The following RANBP2 variants were observed in gnomAD, a reference collection of about 807,000 sequenced individuals.
RANBP2 encodes E3 SUMO-protein ligase RanBP2.
In RANBP2, 57 loss-of-function variants were observed where a neutral mutation model predicts 303.6. The ratio of observed to expected loss-of-function variants is 0.19; its 90% CI spans 0.15 to 0.23. The LOEUF (loss-of-function observed/expected upper bound fraction) is 0.23. RANBP2 is among the 10% of genes least tolerant of loss of function. RANBP2 has a pLI of 1.00. For missense variants in RANBP2, 3,138 were observed against 3,780.8 expected, an observed-to-expected ratio of 0.83 and a Z score of 4.46; for synonymous variants, 1,167 against 1,301.5, an observed-to-expected ratio of 0.90 and a Z score of 2.23.
At chr2:109,616,258 A>G in the RANBP2 span, 31 of 892,380 alleles carry the variant, frequency 3.5e-5, no homozygotes, top group Admixed American at 7.7e-5. Flanking sequence ...GAGATTCATC[A>G]TACCTTGACC....
At chr2:109,115,010 A>C in the RANBP2 span, among the ~76,000 whole-genome samples, 1 of 152,102 alleles carries the variant, frequency 6.6e-6, no homozygotes, top group Non-Finnish European at 1.5e-5. Context: ...GTTTGTTATA[A>C]TTTCTGTTCT....
chr2:108,809,448 TTGTGTGTGTGTGTGTGTGTG>T, the RANBP2 span, among the ~76,000 whole-genome samples: 6 of 141,138 alleles, frequency 4.3e-5, no homozygotes, highest in African/African-American at 1.6e-4. Context: ...ACATGAAATG[TTGTGTGTGTGTGTGTGTGTG>T]TGTGTGTGTG....
At chr2:109,364,347 T>A in the RANBP2 span, among the ~76,000 whole-genome samples, 1 of 152,244 alleles carries the variant, frequency 6.6e-6, no homozygotes, top group African/African-American at 2.4e-5. Flanking sequence ...TCTTTATCTT[T>A]GCTTACATCA....
the RANBP2 span, among the ~76,000 whole-genome samples, chr2:109,650,223 G>A: frequency 7.2e-5 from 11 of 152,214 alleles, no homozygotes; most frequent in Admixed American, 7.2e-4. Context: ...GGAGAATGGA[G>A]CCTATGCCAC....
chr2:109,053,754 C>T, the RANBP2 span, among the ~76,000 whole-genome samples: 1 of 152,348 alleles, frequency 6.6e-6, no homozygotes, highest in Non-Finnish European at 1.5e-5. Flanking sequence ...GCTCTATAAA[C>T]AGGGGTAAGG....
the RANBP2 span, among the ~76,000 whole-genome samples, chr2:109,046,757 C>T: frequency 2.6e-5 from 4 of 152,140 alleles, no homozygotes; most frequent in Admixed American, 6.5e-5. Flanking sequence ...GACATAGCAC[C>T]GTGCCCTTGG....
the RANBP2 span, among the ~76,000 whole-genome samples, chr2:109,553,588 C>T: frequency 0.048 from 7,168 of 148,950 alleles, 481 homozygotes; most frequent in African/African-American, 0.16. Context: ...CCTGGTGGCT[C>T]ACGCCTGTAA....
the RANBP2 span, among the ~76,000 whole-genome samples, chr2:108,905,885 A>T: frequency 1.2e-3 from 186 of 152,290 alleles, no homozygotes; most frequent in African/African-American, 4.4e-3. Flanking sequence ...TCCCAGGGCT[A>T]TCAGACATCG....
the RANBP2 span, among the ~76,000 whole-genome samples, chr2:109,606,507 T>C: frequency 3.3e-5 from 5 of 152,288 alleles, no homozygotes; most frequent in South Asian, 8.3e-4. Context: ...TCAATTACCA[T>C]AGTGGACATA....
At chr2:109,782,056 A>G in the RANBP2 span, among the ~76,000 whole-genome samples, 1 of 9,994 alleles carries the variant, frequency 1.0e-4, no homozygotes, top group African/African-American at 1.1e-4. Flanking sequence ...TAAGGGGGCA[A>G]TGTTGTATGT....
chr2:109,272,840 T>G, the RANBP2 span, among the ~76,000 whole-genome samples: 1 of 152,182 alleles, frequency 6.6e-6, no homozygotes, highest in Non-Finnish European at 1.5e-5. Context: ...GTGTGTGGGT[T>G]CCCGGACTGG....
chr2:109,034,568 AGCCACCAT>A, the RANBP2 span, among the ~76,000 whole-genome samples: 2 of 152,336 alleles, frequency 1.3e-5, no homozygotes, highest in East Asian at 3.9e-4. Context: ...CTGGTTCTGG[AGCCACCAT>A]GTAAGCAAAT....
the RANBP2 span, among the ~76,000 whole-genome samples, chr2:109,034,088 G>A: frequency 2.0e-5 from 3 of 150,904 alleles, no homozygotes; most frequent in South Asian, 4.2e-4. Context: ...GGCAAACATG[G>A]TGAAACCCCA....
At chr2:109,279,383 A>G in the RANBP2 span, among the ~76,000 whole-genome samples, 2 of 152,216 alleles carry the variant, frequency 1.3e-5, no homozygotes, top group African/African-American at 4.8e-5. Flanking sequence ...AGGTTCTTGC[A>G]TGGAAGTTGC....
At chr2:109,550,007 T>G in the RANBP2 span, among the ~76,000 whole-genome samples, 273 of 152,204 alleles carry the variant, frequency 1.8e-3, no homozygotes, top group Non-Finnish European at 3.2e-3. Context: ...ACACGACACA[T>G]TCTCGTACTC....
chr2:109,030,397 T>A, the RANBP2 span, among the ~76,000 whole-genome samples: 1 of 152,220 alleles, frequency 6.6e-6, no homozygotes, highest in Non-Finnish European at 1.5e-5. Context: ...TTAATGTCAT[T>A]GGAAAGGTTA....
chr2:109,367,119 A>ATTTTTTTTTT, the RANBP2 span, among the ~76,000 whole-genome samples: 1 of 113,292 alleles, frequency 8.8e-6, no homozygotes, highest in African/African-American at 3.5e-5. Flanking sequence ...TGCCCTGGTA[A>ATTTTTTTTTT]TTTTTTTTTT....
chr2:109,254,968 G>A, the RANBP2 span, among the ~76,000 whole-genome samples: 29 of 152,156 alleles, frequency 1.9e-4, no homozygotes, highest in Non-Finnish European at 4.1e-4. Context: ...ACCTATGTGG[G>A]GCTCTGTGGT....
the RANBP2 span, among the ~76,000 whole-genome samples, chr2:109,476,720 G>C: frequency 3.3e-5 from 5 of 152,312 alleles, no homozygotes; most frequent in East Asian, 9.6e-4. Flanking sequence ...AGTTTGTTAG[G>C]AAAGTAAAGG....
Sources: allele counts gnomAD v4.1 joint callset (sites outside exome capture counted in the v4.1 genomes callset), GRCh38; gene constraint gnomAD v4.1.1; transcripts MANE v1.5; gene names NCBI Gene and HGNC (gene_info 2026-07-23, HGNC 2026-07-21).